The following WDR41 variants were observed in gnomAD, a reference collection of about 807,000 sequenced individuals.
The protein encoded by WDR41 is WD repeat domain 41.
In WDR41, 63 loss-of-function variants were observed where a neutral mutation model predicts 69.3. The observed-to-expected ratio is 0.91, with a 90% CI of 0.74 to 1.12. WDR41 has a LOEUF of 1.12. Among genes scored for constraint, WDR41 ranks in the 50% most tolerant of loss-of-function variants. The pLI, the probability that WDR41 is intolerant of heterozygous loss-of-function variation, is 0.00. For synonymous variants in WDR41, 185 were observed against 192.1 expected, an observed-to-expected ratio of 0.96 and a Z score of 0.31; for missense variants, 543 against 534.5, an observed-to-expected ratio of 1.02 and a Z score of -0.16.
chr5:77,483,138 G>C (rs2112079541), intron 2 of WDR41, among the ~76,000 whole-genome samples: 1 of 152,050 alleles, frequency 6.6e-6, no homozygotes, highest in East Asian at 1.9e-4. Context: ...ATAAGCTGAA[G>C]TTTTATTTTT....
chr5:77,574,987 A>T (rs1743803705), intron 1 of WDR41, among the ~76,000 whole-genome samples: 2 of 152,228 alleles, frequency 1.3e-5, no homozygotes, highest in Non-Finnish European at 2.9e-5. Flanking sequence ...AAAACAAATT[A>T]CAAAAATCAC....
chr5:77,601,563 T>C (rs1438191081), intron 1 of WDR41, among the ~76,000 whole-genome samples: 1 of 152,162 alleles, frequency 6.6e-6, no homozygotes, highest in Non-Finnish European at 1.5e-5. Context: ...GAAGATGCAT[T>C]GTAGAAAACC....
intron 1 of WDR41, among the ~76,000 whole-genome samples, chr5:77,557,174 T>C (rs554092893): frequency 1.3e-5 from 2 of 152,156 alleles, no homozygotes; most frequent in East Asian, 3.9e-4. Context: ...TAGTGAAAGA[T>C]TTACTAGACA....
chr5:77,610,752 G>A (rs1343737702), intron 1 of WDR41, among the ~76,000 whole-genome samples: 2 of 152,040 alleles, frequency 1.3e-5, no homozygotes, highest in East Asian at 3.9e-4. Flanking sequence ...ATCAACTAAC[G>A]AGCAAAATCA....
At chr5:77,610,204 G>A (rs141670205) in intron 1 of WDR41, among the ~76,000 whole-genome samples, 2 of 152,346 alleles carry the variant, frequency 1.3e-5, no homozygotes, top group African/African-American at 4.8e-5. Flanking sequence ...AAGTTATGGG[G>A]AGAATGGAAC....
chr5:77,510,082 C>T (rs1422405787), intron 1 of WDR41, among the ~76,000 whole-genome samples: 1 of 152,158 alleles, frequency 6.6e-6, no homozygotes, highest in Non-Finnish European at 1.5e-5. Flanking sequence ...TTCCACACTG[C>T]TGATAAAGAC....
intron 11 of WDR41, 65 bp downstream of exon 11, chr5:77,437,268 CCTT>C: frequency 1.6e-6 from 2 of 1,278,350 alleles, no homozygotes; most frequent in Non-Finnish European, 1.1e-6. Flanking sequence ...ACATAATTGT[CCTT>C]CTCCTGCCTT....
At chr5:77,503,067 C>G (rs553096410) in intron 1 of WDR41, among the ~76,000 whole-genome samples, 2 of 151,554 alleles carry the variant, frequency 1.3e-5, no homozygotes, top group Non-Finnish European at 2.9e-5. Flanking sequence ...AAACACAGAC[C>G]GGCAAATTGG....
At chr5:77,528,934 T>C (rs879422321) in intron 1 of WDR41, among the ~76,000 whole-genome samples, 1 of 151,622 alleles carries the variant, frequency 6.6e-6, no homozygotes, top group Non-Finnish European at 1.5e-5. Flanking sequence ...GCATTATACT[T>C]AATGAAATAT....
chr5:77,586,569 G>C (rs1160617392), intron 1 of WDR41, among the ~76,000 whole-genome samples: 1 of 152,042 alleles, frequency 6.6e-6, no homozygotes, highest in African/African-American at 2.4e-5. Context: ...GCCTCTCAAA[G>C]TGCTGGGATT....
intron 1 of WDR41, among the ~76,000 whole-genome samples, chr5:77,566,876 G>T (rs976966054): frequency 6.6e-6 from 1 of 152,124 alleles, no homozygotes; most frequent in Non-Finnish European, 1.5e-5. Flanking sequence ...GATCTGAGGG[G>T]CACCAGAAGT....
At chr5:77,587,942 G>T (rs898567429) in intron 1 of WDR41, among the ~76,000 whole-genome samples, 1 of 152,108 alleles carries the variant, frequency 6.6e-6, no homozygotes, top group African/African-American at 2.4e-5. Context: ...CTACCAATAG[G>T]ATCTTGAACT....
chr5:77,491,104 G>T, intron 1 of WDR41: 2 of 366,068 alleles, frequency 5.5e-6, no homozygotes, highest in South Asian at 1.9e-5. Context: ...AATCACAAAA[G>T]AAGTGAAAAT....
chr5:77,434,574 G>A (rs769922670), intron 12 of WDR41, among the ~76,000 whole-genome samples: 18 of 151,902 alleles, frequency 1.2e-4, no homozygotes, highest in South Asian at 2.1e-4. Flanking sequence ...GCGTGGTGGC[G>A]GGCACCTGTA....
chr5:77,463,659 T>G (rs1181405624), intron 3 of WDR41, among the ~76,000 whole-genome samples: 1 of 152,118 alleles, frequency 6.6e-6, no homozygotes, highest in African/African-American at 2.4e-5. Flanking sequence ...TACACACAAA[T>G]AAGTATATAT....
chr5:77,451,465 C>T, intron 6 of WDR41, 112 bp from the exon 7 acceptor site: 1 of 892,118 alleles, frequency 1.1e-6, no homozygotes, highest in Non-Finnish European at 1.8e-6. Flanking sequence ...ATAAAGCACA[C>T]AGAACTAGCT....
At chr5:77,453,388 G>T (rs1395361352) in intron 6 of WDR41, among the ~76,000 whole-genome samples, 1 of 152,156 alleles carries the variant, frequency 6.6e-6, no homozygotes. Context: ...AAAATCGTAT[G>T]TACACAGAAT....
chr5:77,583,426 C>T (rs1743978012), intron 1 of WDR41, among the ~76,000 whole-genome samples: 2 of 151,162 alleles, frequency 1.3e-5, no homozygotes, highest in South Asian at 4.2e-4. Flanking sequence ...ATGTGAGGAT[C>T]ACTTGAGCCA....
chr5:77,537,962 A>G (rs115849665), intron 1 of WDR41, among the ~76,000 whole-genome samples: 188 of 152,242 alleles, frequency 1.2e-3, no homozygotes, highest in African/African-American at 3.8e-3. Context: ...ATATAAACAT[A>G]TGGGGTACAA....
Sources: gnomAD v4.1 joint callset for allele counts (sites outside exome capture counted in the v4.1 genomes callset) on GRCh38, gnomAD v4.1.1 for gene constraint, MANE v1.5 for transcripts, NCBI Gene and HGNC (gene_info 2026-07-23, HGNC 2026-07-21) for gene names.